Variants in IL1RAPL1 observed in about 807,000 individuals in gnomAD.
IL1RAPL1 encodes the protein interleukin-1 receptor accessory protein-like 1.
In IL1RAPL1, 3 loss-of-function variants were observed where a neutral mutation model predicts 48.4. The observed-to-expected ratio is 0.06, with a 90% CI of 0.03 to 0.16. IL1RAPL1 has a LOEUF of 0.16. IL1RAPL1 is among the 10% of genes least tolerant of loss of function. The pLI, the probability that IL1RAPL1 is intolerant of heterozygous loss-of-function variation, is 1.00. For missense variants in IL1RAPL1, 349 were observed against 530.6 expected (o/e 0.66, Z 3.36); for synonymous variants, 185 against 187.7 (o/e 0.99, Z 0.12).
chrX:29,057,437 T>C (rs771409988), intron 2 of IL1RAPL1, among the ~76,000 whole-genome samples: 58 of 109,770 alleles, frequency 5.3e-4, no homozygotes, highest in African/African-American at 1.9e-3. Flanking sequence ...TCTTTTTTTT[T>C]CTTTTTTTTG....
At chrX:28,837,966 GT>G (rs1042722470) in intron 2 of IL1RAPL1, among the ~76,000 whole-genome samples, 17 of 109,856 alleles carry the variant, frequency 1.5e-4, no homozygotes, top group African/African-American at 5.3e-4. Context: ...TTGACCTTAC[GT>G]TTTCCTAGGT....
chrX:29,315,865 G>A (rs1932768659), intron 3 of IL1RAPL1, among the ~76,000 whole-genome samples: 1 of 112,150 alleles, frequency 8.9e-6, no homozygotes, highest in African/African-American at 3.2e-5. Flanking sequence ...CATGAGATGA[G>A]ATGGACTCAA....
intron 1 of IL1RAPL1, among the ~76,000 whole-genome samples, chrX:28,698,002 A>G (rs1935253793): frequency 9.0e-6 from 1 of 111,515 alleles, no homozygotes; most frequent in African/African-American, 3.2e-5. Context: ...GTCCTCAAAC[A>G]TGACAGCAGC....
At chrX:29,859,798 T>C (rs968114163) in intron 6 of IL1RAPL1, among the ~76,000 whole-genome samples, 3 of 111,926 alleles carry the variant, frequency 2.7e-5, no homozygotes, top group South Asian at 3.7e-4. Flanking sequence ...TAATAAATAC[T>C]TACACAGAAA....
chrX:29,812,084 CAGAT>C (rs1241783654), intron 6 of IL1RAPL1, among the ~76,000 whole-genome samples: 2 of 111,620 alleles, frequency 1.8e-5, no homozygotes, highest in Non-Finnish European at 3.8e-5. Flanking sequence ...GTTTGATAGA[CAGAT>C]TGTGAAATAT....
At chrX:29,240,647 G>A (rs1453808371) in intron 2 of IL1RAPL1, among the ~76,000 whole-genome samples, 3 of 111,672 alleles carry the variant, frequency 2.7e-5, no homozygotes, top group Non-Finnish European at 5.6e-5. Flanking sequence ...AAAATGAAAG[G>A]AAATCAACCT....
At chrX:29,623,677 G>A (rs1167008926) in intron 5 of IL1RAPL1, among the ~76,000 whole-genome samples, 3 of 112,098 alleles carry the variant, frequency 2.7e-5, no homozygotes, top group Non-Finnish European at 5.6e-5. Context: ...TCTTCAAGAT[G>A]ATAAGATTTT....
intron 2 of IL1RAPL1, among the ~76,000 whole-genome samples, chrX:29,251,553 T>C (rs1931619717): frequency 9.0e-6 from 1 of 111,284 alleles, no homozygotes. Flanking sequence ...TATAATGTTA[T>C]ATTATAGGAT....
intron 2 of IL1RAPL1, among the ~76,000 whole-genome samples, chrX:29,145,303 G>T (rs1307342398): frequency 8.9e-6 from 1 of 111,744 alleles, no homozygotes; most frequent in African/African-American, 3.3e-5. Context: ...AAAGATGTAA[G>T]GTTAATGGGA....
intron 6 of IL1RAPL1, among the ~76,000 whole-genome samples, chrX:29,837,768 C>T (rs752238506): frequency 1.8e-5 from 2 of 112,451 alleles, no homozygotes; most frequent in African/African-American, 6.4e-5. Context: ...ACTGTGTTTA[C>T]AACAGCTTTA....
intron 5 of IL1RAPL1, among the ~76,000 whole-genome samples, chrX:29,626,911 T>C (rs956218266): frequency 1.8e-5 from 2 of 112,264 alleles, no homozygotes; most frequent in African/African-American, 6.5e-5. Context: ...CTTTATAATA[T>C]AGAATGTAAA....
intron 5 of IL1RAPL1, among the ~76,000 whole-genome samples, chrX:29,509,679 G>C (rs190945930): frequency 9.4e-6 from 1 of 106,762 alleles, no homozygotes; most frequent in Non-Finnish European, 1.9e-5. Flanking sequence ...ACACGCATGC[G>C]CCCACACGCA....
At chrX:29,168,360 C>G (rs1436969776) in intron 2 of IL1RAPL1, among the ~76,000 whole-genome samples, 1 of 106,376 alleles carries the variant, frequency 9.4e-6, no homozygotes, top group African/African-American at 3.4e-5. Flanking sequence ...ATACCCTCAC[C>G]AATGTTTGCT....
intron 2 of IL1RAPL1, among the ~76,000 whole-genome samples, chrX:28,897,792 G>A (rs1321603969): frequency 8.9e-5 from 10 of 111,892 alleles, no homozygotes; most frequent in African/African-American, 1.6e-4. Context: ...GGGTGCAGGT[G>A]GGCCGAGTCT....
At chrX:29,919,623 C>T (rs1353252821) in intron 7 of IL1RAPL1, among the ~76,000 whole-genome samples, 6 of 112,465 alleles carry the variant, frequency 5.3e-5, no homozygotes, top group Admixed American at 9.4e-5. Context: ...TTTATCTCAA[C>T]TTACATAATA....
At chrX:28,597,514 C>T (rs1025296313) in intron 1 of IL1RAPL1, among the ~76,000 whole-genome samples, 3 of 110,997 alleles carry the variant, frequency 2.7e-5, no homozygotes, top group Admixed American at 9.6e-5. Context: ...GGCGGATCAC[C>T]GGAGGTCAGG....
intron 2 of IL1RAPL1, among the ~76,000 whole-genome samples, chrX:28,880,632 A>G (rs1207392925): frequency 8.9e-6 from 1 of 112,186 alleles, no homozygotes; most frequent in East Asian, 2.8e-4. Flanking sequence ...TGTTTCCCTC[A>G]TGACTCATAA....
intron 2 of IL1RAPL1, among the ~76,000 whole-genome samples, chrX:29,110,607 C>T (rs928650878): frequency 1.8e-5 from 2 of 111,581 alleles, no homozygotes; most frequent in Non-Finnish European, 3.8e-5. Context: ...TTTAATATTG[C>T]GAAAATTGTA....
At chrX:29,772,252 T>TAA (rs67864442) in intron 6 of IL1RAPL1, among the ~76,000 whole-genome samples, 14 of 95,120 alleles carry the variant, frequency 1.5e-4, no homozygotes, top group African/African-American at 4.6e-4. Context: ...CCCTGTTTCT[T>TAA]AAAAAAAAAA....
Sources: allele counts gnomAD v4.1 joint callset (sites outside exome capture counted in the v4.1 genomes callset), GRCh38; gene constraint gnomAD v4.1.1; transcripts MANE v1.5; gene names NCBI Gene and HGNC (gene_info 2026-07-23, HGNC 2026-07-21).